Variants in SMG1 observed in about 807,000 individuals in gnomAD.
The protein encoded by SMG1 is serine/threonine-protein kinase SMG1.
Under a neutral mutation model 419.9 loss-of-function variants are expected in SMG1, and 22 were observed. The ratio of observed to expected loss-of-function variants is 0.05; its 90% CI spans 0.04 to 0.07. The LOEUF (loss-of-function observed/expected upper bound fraction) is 0.07, where lower values mean the gene tolerates loss of function less well. SMG1 is among the 10% of genes least tolerant of loss of function. The pLI is 1.00. For missense variants in SMG1, 3,185 were observed against 4,342.0 expected (o/e 0.73, Z 7.49); for synonymous variants, 1,538 against 1,553.5 (o/e 0.99, Z 0.23).
At position 18,870,709 on chromosome 16, in the gene SMG1, C is replaced by A. The variant is rs779821760; in HGVS notation, c.2393G>T (p.Cys798Phe). 1.2e-6 allele frequency: 2 copies of A among 1,606,730 alleles called. No individual in the cohort carries two copies. Among genetic ancestry groups the A allele is most frequent in the Non-Finnish European group, 8.5e-7 (1 of 1,177,068 alleles). ...TAGTTGAACACGGCAAACATCGACA[C>A]ATCTATGAAAGAACGAAATAGACAA... is the stretch of plus-strand genomic sequence containing the variant. ...SSLPDDLLQR[C>F]VDVCRVQLVH... The change falls in exon 18 of 63, where the codon TGT (cysteine) becomes TTT (phenylalanine). Residue 798 changes from cysteine to phenylalanine, a missense_variant and splice_region_variant. Transcript: ENST00000446231.
At chr16:18,811,684 C>T (rs372643263) in intron 62 of SMG1, 77 bp downstream of exon 62, 6 of 1,220,126 alleles carry the variant, frequency 4.9e-6, no homozygotes, top group Admixed American at 3.6e-5. Context: ...TTAAGGAAAT[C>T]GATGAGAGGG....
Position 18,815,181 on chromosome 16 carries a change from C to T in SMG1, c.10615G>A (p.Ala3539Thr), listed in dbSNP as rs754039668. The T allele has an allele frequency of 2.0e-5, 32 of 1,582,038 alleles. No individual in the cohort carries two copies. Among genetic ancestry groups the T allele is most frequent in the Middle Eastern group, 1.7e-4 (1 of 6,056 alleles). ...CTCAGGACTCTTCTCCTACCTGCAG[C>T]GAAGGATGGCTGATAAGTAGCAGAT... ...TSSATYQPSF[A>T]AAVRSNTGQK... Residue 3539 changes from alanine (A) to threonine (T), a missense_variant, in exon 60 of 63, where the codon GCT becomes ACT. Ala to Thr is a moderately conservative substitution (Grantham distance 58). This residue lies in a region of SMG1 where 737 missense variants were observed against 846.6 expected (regional missense o/e 0.87). Transcript: ENST00000446231.
chr16:18,840,907 AT>A (rs1483225431), intron 41 of SMG1, among the ~76,000 whole-genome samples: 1 of 152,090 alleles, frequency 6.6e-6, no homozygotes, highest in African/African-American at 2.4e-5. Context: ...TTATATAACT[AT>A]TTTTGGCTGG....
At position 18,876,140 on chromosome 16, in the gene SMG1, T is replaced by C. The variant is rs773304145; in HGVS notation, c.1874A>G (p.Lys625Arg). The C allele has an allele frequency of 1.2e-5, 19 of 1,611,706 alleles. No homozygotes were observed. The South Asian group carries it at 1.4e-4, about 12-fold the overall frequency. The part of the protein sequence containing the change: ...LSALTTIGNA[K>R]NSLIGMWALS... ...AAGACTCACCCCTATTAGTGAGTTT[T>C]TGGCATTTCCAATTGTAGTCAGGGC... The change falls in exon 13 of 63, where the codon AAA (lysine) becomes AGA (arginine). Residue 625 changes from lysine to arginine, a missense_variant. Lys to Arg is a conservative substitution (Grantham distance 26). Coordinates refer to ENST00000446231, the MANE Select transcript of SMG1 (RefSeq NM_015092.5).
At position 18,864,097 on chromosome 16, in the gene SMG1, G is replaced by C; in HGVS notation, c.3398C>G (p.Thr1133Arg). The C allele has an allele frequency of 1.3e-6, 2 of 1,548,684 alleles. No homozygotes were observed. Among genetic ancestry groups the C allele is most frequent in the South Asian group, 2.4e-5 (2 of 83,936 alleles). ...VEYQEHLCAMTGVDCCISSFD... is the reference protein window; with the variant it reads ...VEYQEHLCAMRGVDCCISSFD... ...GCTGGAGATGCAGCAATCAACACCT[G>C]TCATGGCACACAGGTGTTCCTGGTA... The change falls in exon 24 of 63, where the codon ACA becomes AGA. Residue 1133 changes from threonine to arginine, a missense_variant. Transcript: ENST00000446231.
At position 18,829,663 on chromosome 16, in the gene SMG1, C is replaced by G; in HGVS notation, c.9226G>C (p.Asp3076His). 1 of 1,613,946 alleles carries G rather than the reference C, an allele frequency of 6.2e-7. No individual in the cohort carries two copies. The change falls in exon 54 of 63, where the codon GAC becomes CAC. Residue 3076 changes from aspartate to histidine, a missense_variant. Asp to His is a moderately conservative substitution (Grantham distance 81). Coordinates refer to ENST00000446231, the MANE Select transcript of SMG1 (RefSeq NM_015092.5). Reference sequence around the variant, plus strand: ...GCCTTGATAGGTTTGGCCATTTGGTCTTCACTGAAACAAGAGTTTCTAAAA... The same window carrying G: ...GCCTTGATAGGTTTGGCCATTTGGTGTTCACTGAAACAAGAGTTTCTAAAA... ...TLFRNSCFSE[D>H]QMAKPIKAFT...
At chr16:18,901,849 C>A (rs1020847588) in intron 1 of SMG1, among the ~76,000 whole-genome samples, 8 of 150,286 alleles carry the variant, frequency 5.3e-5, no homozygotes, top group African/African-American at 2.0e-4. Context: ...TGACGGGCAC[C>A]TGTAATAATC....
chr16:18,845,239 C>T (rs1490856413), intron 39 of SMG1, among the ~76,000 whole-genome samples, 190 bp downstream of exon 39: 1 of 152,164 alleles, frequency 6.6e-6, no homozygotes, highest in East Asian at 1.9e-4. Context: ...CCCCCTTTGC[C>T]CACTGATTTC....
At chr16:18,884,470 A>G (rs2036534245) in intron 8 of SMG1, among the ~76,000 whole-genome samples, 1 of 152,158 alleles carries the variant, frequency 6.6e-6, no homozygotes, top group African/African-American at 2.4e-5. Context: ...AAACTGCCAC[A>G]ATCTACCATT....
At chr16:18,869,370 C>T (rs2035690986) in intron 19 of SMG1, 67 bp from the exon 20 acceptor site, 1 of 1,327,502 alleles carries the variant, frequency 7.5e-7, no homozygotes, top group Non-Finnish European at 1.0e-6. Flanking sequence ...AAAAAAAATG[C>T]AAGGGGAATA....
intron 1 of SMG1, among the ~76,000 whole-genome samples, chr16:18,901,600 G>T (rs1046934827): frequency 6.6e-6 from 1 of 152,128 alleles, no homozygotes; most frequent in Non-Finnish European, 1.5e-5. Flanking sequence ...GTAAAGAATT[G>T]TATCTTCACC....
intron 62 of SMG1, among the ~76,000 whole-genome samples, chr16:18,810,583 A>C (rs2031294358): frequency 6.6e-6 from 1 of 152,178 alleles, no homozygotes. Flanking sequence ...GTCACTCCAT[A>C]AGGGGAGGAC....
chr16:18,850,337 C>T lies in SMG1; in HGVS notation c.5183G>A (p.Gly1728Glu), dbSNP rs1448338253. The T allele has an allele frequency of 6.2e-7, 1 of 1,613,944 alleles. No individual in the cohort carries two copies. Among genetic ancestry groups the T allele is most frequent in the South Asian group, 1.1e-5 (1 of 91,082 alleles). The change falls in exon 34 of 63, where the codon GGA (glycine) becomes GAA (glutamate). Residue 1728 changes from glycine (G) to glutamate (E), a missense_variant. Around this residue, in one of 27 missense-constraint regions of SMG1, gnomAD observed 493 missense variants for 552.9 expected, o/e 0.89. Transcript: ENST00000446231. ...LSELDESATE[G>E]VIKVWRKVVD... ...AACTTTCCTCCACACTTTAATAACT[C>T]CTTCAGTTGCACTTTCATCAAGTTC... is the stretch of plus-strand genomic sequence containing the variant.
At chr16:18,839,304 A>G (rs922811619) in intron 42 of SMG1, among the ~76,000 whole-genome samples, 1 of 152,144 alleles carries the variant, frequency 6.6e-6, no homozygotes, top group African/African-American at 2.4e-5. Context: ...TAATGAACAT[A>G]GTATCCAACA....
chr16:18,903,426 C>T (rs1282339808), intron 1 of SMG1, among the ~76,000 whole-genome samples: 1 of 152,218 alleles, frequency 6.6e-6, no homozygotes, highest in Non-Finnish European at 1.5e-5. Flanking sequence ...ATTTCCCTCA[C>T]CGGGTTTCTT....
intron 6 of SMG1, among the ~76,000 whole-genome samples, chr16:18,886,301 G>C (rs1446903727): frequency 2.6e-5 from 4 of 151,914 alleles, no homozygotes; most frequent in Admixed American, 6.6e-5. Flanking sequence ...ATCAGTATGG[G>C]ACCACACATA....
chr16:18,842,337 C>A lies in SMG1; in HGVS notation c.6337G>T (p.Val2113Phe). The change falls in exon 40 of 63, where the codon GTC becomes TTC. Residue 2113 changes from valine (V) to phenylalanine (F), a missense_variant. Around this residue, in one of 27 missense-constraint regions of SMG1, gnomAD observed 159 missense variants for 196.0 expected, o/e 0.81. Transcript: ENST00000446231. ...ATTGTGACAGTGTCTCTGGCTGAGACTTCCCCAGGAAGAGCAATTTCAGTG... is the reference window on the plus strand; with the variant it reads ...ATTGTGACAGTGTCTCTGGCTGAGAATTCCCCAGGAAGAGCAATTTCAGTG... ...TNTEIALPGEVSARDTVTIHS... is the reference protein window; with the variant it reads ...TNTEIALPGEFSARDTVTIHS... 6.2e-7 allele frequency: 1 copy of A among 1,614,010 alleles called. No individual in the cohort carries two copies. Among genetic ancestry groups the A allele is most frequent in the Non-Finnish European group, 8.5e-7 (1 of 1,179,882 alleles).
intron 1 of SMG1, among the ~76,000 whole-genome samples, chr16:18,913,611 T>C (rs1198162026): frequency 6.6e-6 from 1 of 152,070 alleles, no homozygotes; most frequent in Non-Finnish European, 1.5e-5. Flanking sequence ...ATTAATATAT[T>C]AGATGCCATC....
intron 1 of SMG1, among the ~76,000 whole-genome samples, chr16:18,918,207 G>C (rs35083749): frequency 0.31 from 46,791 of 151,826 alleles, 7,950 homozygotes; most frequent in Non-Finnish European, 0.38. Context: ...AGGTTGCAGT[G>C]AGCCAAAATG....
Sources: allele counts gnomAD v4.1 joint callset (sites outside exome capture counted in the v4.1 genomes callset), GRCh38; gene constraint gnomAD v4.1.1; regional missense constraint gnomAD v4.1.1; transcripts MANE v1.5; gene names NCBI Gene and HGNC (gene_info 2026-07-23, HGNC 2026-07-21).